The following EYS variants were observed in gnomAD, a reference collection of about 807,000 sequenced individuals.
EYS encodes protein eyes shut homolog.
In EYS, 250 loss-of-function variants were observed where a neutral mutation model predicts 282.1. The ratio of observed to expected loss-of-function variants is 0.89; its 90% CI spans 0.80 to 0.98. The LOEUF is 0.98. Among genes scored for constraint, EYS ranks in the 50% least tolerant of loss-of-function variants. The pLI, the probability that EYS is intolerant of heterozygous loss-of-function variation, is 0.00. For missense variants in EYS, 4,016 were observed against 3,709.0 expected (o/e 1.08, Z -2.15); for synonymous variants, 1,355 against 1,282.9 (o/e 1.06, Z -1.20).
At chr6:65,060,424 C>T (rs1773534758) in intron 12 of EYS, among the ~76,000 whole-genome samples, 1 of 151,894 alleles carries the variant, frequency 6.6e-6, no homozygotes, top group South Asian at 2.1e-4. Context: ...CCCTAAAGTA[C>T]AGTGCTTTAG....
chr6:63,948,221 T>G (rs1195293812), intron 35 of EYS, among the ~76,000 whole-genome samples: 1 of 152,222 alleles, frequency 6.6e-6, no homozygotes, highest in East Asian at 1.9e-4. Context: ...ACACTTGCGA[T>G]CTGTCCTTTC....
intron 13 of EYS, among the ~76,000 whole-genome samples, chr6:65,050,305 T>A (rs762771152): frequency 1.2e-4 from 18 of 151,600 alleles, no homozygotes; most frequent in Non-Finnish European, 2.4e-4. Context: ...AAGAACACAA[T>A]ACTGCTAATA....
chr6:64,008,072 G>T (rs947498691), intron 33 of EYS, among the ~76,000 whole-genome samples: 3 of 152,058 alleles, frequency 2.0e-5, no homozygotes, highest in African/African-American at 7.2e-5. Flanking sequence ...TACTCTCAGT[G>T]GGGTGTTTAA....
chr6:65,581,371 T>C (rs766304652), intron 2 of EYS, among the ~76,000 whole-genome samples: 8 of 152,064 alleles, frequency 5.3e-5, no homozygotes, highest in Non-Finnish European at 8.8e-5. Context: ...TAACAAAAAT[T>C]AATGCTATAT....
intron 2 of EYS, among the ~76,000 whole-genome samples, chr6:65,576,329 A>AT (rs1764666112): frequency 6.6e-6 from 1 of 152,024 alleles, no homozygotes; most frequent in Non-Finnish European, 1.5e-5. Context: ...GACAAAAGTG[A>AT]TATGATTATC....
intron 12 of EYS, among the ~76,000 whole-genome samples, chr6:65,233,691 TAC>T (rs1766848698): frequency 1.3e-5 from 2 of 152,174 alleles, no homozygotes; most frequent in East Asian, 1.9e-4. Context: ...GTTGGGCATG[TAC>T]AGTCTTCCAG....
At chr6:64,462,557 T>A (rs1445096486) in intron 26 of EYS, among the ~76,000 whole-genome samples, 1 of 152,108 alleles carries the variant, frequency 6.6e-6, no homozygotes, top group Non-Finnish European at 1.5e-5. Context: ...CTTCTAGTTA[T>A]CTAGTGTCGC....
chr6:65,221,392 C>T (rs1051676787), intron 12 of EYS, among the ~76,000 whole-genome samples: 1 of 152,178 alleles, frequency 6.6e-6, no homozygotes, highest in African/African-American at 2.4e-5. Flanking sequence ...GGACTTGATG[C>T]CCTATGTCCC....
At chr6:64,971,020 A>G (rs118038049) in intron 14 of EYS, among the ~76,000 whole-genome samples, 1 of 152,334 alleles carries the variant, frequency 6.6e-6, no homozygotes, top group Non-Finnish European at 1.5e-5. Flanking sequence ...TAAGGAAGGC[A>G]TAACTATAGA....
chr6:64,437,706 C>T (rs1198882148), intron 27 of EYS, among the ~76,000 whole-genome samples: 2 of 149,550 alleles, frequency 1.3e-5, no homozygotes, highest in East Asian at 2.0e-4. Context: ...ATACCTGGGA[C>T]ATAATTATAT....
At chr6:64,503,298 G>A (rs1170667868) in intron 26 of EYS, among the ~76,000 whole-genome samples, 1 of 152,072 alleles carries the variant, frequency 6.6e-6, no homozygotes, top group Non-Finnish European at 1.5e-5. Flanking sequence ...TTCTATTGCT[G>A]AGGAAGCTGG....
chr6:64,574,192 C>T (rs1200122231), intron 26 of EYS, among the ~76,000 whole-genome samples: 1 of 152,046 alleles, frequency 6.6e-6, no homozygotes, highest in Non-Finnish European at 1.5e-5. Flanking sequence ...AATCAAACAC[C>T]ACATGTTCTC....
rs933822436 is a variant in EYS at position 64,357,577 on chromosome 6, C to T, written c.6078+31113G>A. On this transcript the variant is annotated intron_variant, in intron 29 of 42. Transcript: ENST00000503581. ...CATTACATAAAGGGATGTGTGTGAA[C>T]GAAATTTTGAAAGCCTGTTGGGAAA... 6.6e-5 allele frequency among the ~76,000 whole-genome samples: 10 copies of T among 151,470 alleles called. No homozygotes were observed. In the East Asian group the frequency reaches 7.8e-4, roughly 12 times the overall value.
intron 35 of EYS, among the ~76,000 whole-genome samples, chr6:63,873,176 C>T (rs1402370454): frequency 3.5e-5 from 5 of 143,334 alleles, no homozygotes; most frequent in South Asian, 2.4e-4. Context: ...TGACAGGACA[C>T]GGTGTGTGAT....
intron 9 of EYS, among the ~76,000 whole-genome samples, chr6:65,351,011 AAAG>A (rs532866763): frequency 4.6e-5 from 7 of 151,792 alleles, no homozygotes; most frequent in Non-Finnish European, 1.0e-4. Context: ...GGAAGAAGTA[AAAG>A]AAGATCTTAA....
intron 28 of EYS, among the ~76,000 whole-genome samples, chr6:64,392,457 C>T (rs1459226534): frequency 1.3e-5 from 2 of 151,310 alleles, no homozygotes; most frequent in Admixed American, 1.3e-4. Flanking sequence ...CAAACTAGAA[C>T]TCAGGACTAA....
At chr6:64,571,238 A>C (rs1408052279) in intron 26 of EYS, among the ~76,000 whole-genome samples, 2 of 152,210 alleles carry the variant, frequency 1.3e-5, no homozygotes, top group Non-Finnish European at 2.9e-5. Context: ...ACCAATGAGA[A>C]CAAAGACACA....
intron 26 of EYS, among the ~76,000 whole-genome samples, chr6:64,492,266 T>A (rs1776762567): frequency 6.6e-6 from 1 of 151,240 alleles, no homozygotes; most frequent in African/African-American, 2.4e-5. Context: ...GAAGTCCATG[T>A]ATTCATAACC....
intron 33 of EYS, among the ~76,000 whole-genome samples, chr6:64,008,461 T>C (rs1768453950): frequency 6.6e-6 from 1 of 152,228 alleles, no homozygotes; most frequent in African/African-American, 2.4e-5. Context: ...TTAGCCTGTT[T>C]ACATTCAAGA....
Sources: allele counts gnomAD v4.1 joint callset (sites outside exome capture counted in the v4.1 genomes callset), GRCh38; gene constraint gnomAD v4.1.1; transcripts MANE v1.5; gene names NCBI Gene and HGNC (gene_info 2026-07-23, HGNC 2026-07-21).